ASAP3: variants seen among roughly 807,000 people sequenced by gnomAD.
ASAP3 encodes arf-GAP with SH3 domain, ANK repeat and PH domain-containing protein 3.
ASAP3 carries 85 observed loss-of-function variants against 118.2 expected under a neutral mutation model. That is an observed-to-expected ratio of 0.72 (90% CI 0.60 to 0.86). The LOEUF (loss-of-function observed/expected upper bound fraction) is 0.86. Among genes scored for constraint, ASAP3 ranks in the 40% least tolerant of loss-of-function variants. The pLI is 0.00. For synonymous variants in ASAP3, 432 were observed against 477.4 expected (o/e 0.90, Z 1.24); for missense variants, 1,026 against 1,175.0 (o/e 0.87, Z 1.85).
intron 1 of ASAP3, among the ~76,000 whole-genome samples, chr1:23,473,974 CTTTTTTTTTTTTTT>C (rs10664798): frequency 2.6e-4 from 19 of 72,104 alleles, no homozygotes; most frequent in Non-Finnish European, 1.6e-4. Flanking sequence ...TAAATCTGCT[CTTTTTTTTTTTTTT>C]TTTTTTTTTT....
intron 1 of ASAP3, among the ~76,000 whole-genome samples, chr1:23,475,314 C>G (rs1642093349): frequency 6.6e-6 from 1 of 152,158 alleles, no homozygotes; most frequent in Non-Finnish European, 1.5e-5. Flanking sequence ...CAGTGTCCTG[C>G]CAAACTGGCT....
chr1:23,457,191 T>C (rs543686023), intron 1 of ASAP3, among the ~76,000 whole-genome samples: 1 of 152,050 alleles, frequency 6.6e-6, no homozygotes, highest in East Asian at 1.9e-4. Context: ...GCCACAGAGC[T>C]GGACTTCCCG....
chr1:23,442,333 G>C (rs1640902905), intron 6 of ASAP3, 62 bp from the exon 7 acceptor site: 1 of 1,565,950 alleles, frequency 6.4e-7, no homozygotes, highest in East Asian at 2.3e-5. Context: ...GGAACGAGGG[G>C]CTGCAGTCCC....
chr1:23,462,584 C>T (rs1049184521), intron 1 of ASAP3, among the ~76,000 whole-genome samples: 2 of 151,624 alleles, frequency 1.3e-5, no homozygotes, highest in Non-Finnish European at 2.9e-5. Flanking sequence ...TCCTGGCTAA[C>T]ACGTCTCTAC....
Position 23,436,735 on chromosome 1 carries a change from G to C in ASAP3, c.1477-81C>G, listed in dbSNP as rs1640672225. The C allele has an allele frequency of 1.9e-6, 3 of 1,585,736 alleles. No homozygotes were observed. Among genetic ancestry groups the C allele is most frequent in the Non-Finnish European group, 2.6e-6 (3 of 1,158,570 alleles). On this transcript the variant is annotated intron_variant, in intron 15 of 24. Coordinates refer to ENST00000336689, the MANE Select transcript of ASAP3 (RefSeq NM_017707.4). This position sits in a 1 kb window ranked among gnomAD's most constrained non-coding sequence, Gnocchi z 4.2. ...CATAGGGTGGAGCTCCAAGCCCCCA[G>C]AGTCCCGCCCCTCGGCCGCCCTCCC... is the stretch of plus-strand genomic sequence containing the variant.
At chr1:23,484,254 G>T (rs1454279580), upstream of ASAP3, 5 of 878,540 alleles carry the variant, frequency 5.7e-6, no homozygotes, top group East Asian at 1.3e-4. Context: ...CCGCCCCTCC[G>T]CACGCCCCGC....
chr1:23,474,906 A>G (rs1368181976), intron 1 of ASAP3, among the ~76,000 whole-genome samples: 1 of 152,176 alleles, frequency 6.6e-6, no homozygotes, highest in Non-Finnish European at 1.5e-5. Context: ...GTACCAGTTC[A>G]AGCAATGGAT....
intron 1 of ASAP3, among the ~76,000 whole-genome samples, chr1:23,482,734 G>A (rs1642347962): frequency 1.3e-5 from 2 of 152,022 alleles, no homozygotes; most frequent in Admixed American, 1.3e-4. Context: ...GGATCATGAG[G>A]TCAGGAGATC....
At chr1:23,468,735 T>C (rs1641861712) in intron 1 of ASAP3, among the ~76,000 whole-genome samples, 1 of 148,854 alleles carries the variant, frequency 6.7e-6, no homozygotes. Flanking sequence ...ATTAGCCGGG[T>C]GTGGTGGCTA....
rs752216321 is a variant in ASAP3, at chr1:23,442,469, GC to G, written c.585+31del. 1.9e-5 allele frequency: 30 copies of G among 1,604,262 alleles called. No individual in the cohort carries two copies. In the African/African-American group the frequency reaches 2.3e-4, roughly 12 times the overall value. ...AGGCAGACAGGAAGACACATCCCACGCCCCCCCTCCCTCATCCAGAGCACCC... is the reference window on the plus strand; with the variant it reads ...AGGCAGACAGGAAGACACATCCCACGCCCCCCTCCCTCATCCAGAGCACCC... On this transcript the variant is annotated intron_variant, in intron 6 of 24. Coordinates refer to ENST00000336689, the MANE Select transcript of ASAP3 (RefSeq NM_017707.4).
At chr1:23,432,990 T>A in intron 22 of ASAP3, 87 bp downstream of exon 22, 1 of 1,486,396 alleles carries the variant, frequency 6.7e-7, no homozygotes, top group Non-Finnish European at 9.2e-7. Flanking sequence ...TAGTACGGAC[T>A]AACATATGCA....
chr1:23,452,184 G>T (rs919511321), intron 4 of ASAP3, among the ~76,000 whole-genome samples: 1 of 152,208 alleles, frequency 6.6e-6, no homozygotes, highest in African/African-American at 2.4e-5. Context: ...CTAGGGCAGG[G>T]AGGGAACCCT....
At chr1:23,462,267 G>A (rs920504256) in intron 1 of ASAP3, among the ~76,000 whole-genome samples, 4 of 150,812 alleles carry the variant, frequency 2.7e-5, no homozygotes, top group African/African-American at 7.3e-5. Flanking sequence ...CTCATGATCC[G>A]CCTGCCTCGG....
intron 1 of ASAP3, among the ~76,000 whole-genome samples, chr1:23,471,538 T>C (rs894271522): frequency 6.6e-6 from 1 of 152,186 alleles, no homozygotes; most frequent in African/African-American, 2.4e-5. Flanking sequence ...TATGAATACA[T>C]ACTAGCAAGG....
intron 19 of ASAP3, among the ~76,000 whole-genome samples, chr1:23,434,046 T>G (rs1640543528): frequency 1.3e-5 from 2 of 152,214 alleles, no homozygotes; most frequent in South Asian, 4.2e-4. Flanking sequence ...GAAATATTAT[T>G]TTCTTTTTTC....
At chr1:23,462,000 C>T (rs1046029602) in intron 1 of ASAP3, among the ~76,000 whole-genome samples, 3 of 151,810 alleles carry the variant, frequency 2.0e-5, no homozygotes, top group South Asian at 2.1e-4. Flanking sequence ...ACAAGTCACC[C>T]GAATCACTCA....
Position 23,437,342 on chromosome 1 carries a change from G to A in ASAP3, c.1152-22C>T, listed in dbSNP as rs778585763. 3 of 1,609,096 alleles carry A rather than the reference G, an allele frequency of 1.9e-6. No individual in the cohort carries two copies. In the South Asian group the frequency reaches 3.3e-5, roughly 18 times the overall value. On this transcript the variant is annotated intron_variant, in intron 13 of 24. Transcript: ENST00000336689. This position sits in a 1 kb window ranked among gnomAD's most constrained non-coding sequence, Gnocchi z 6.1. Reference sequence around the variant, plus strand: ...CCACCTGCGGAGATTGAACGGGGTGGGATGGGGATGTCAAGTGGGAAGAGA... The same window carrying A: ...CCACCTGCGGAGATTGAACGGGGTGAGATGGGGATGTCAAGTGGGAAGAGA...
At chr1:23,474,742 C>T (rs1411842580) in intron 1 of ASAP3, among the ~76,000 whole-genome samples, 1 of 152,022 alleles carries the variant, frequency 6.6e-6, no homozygotes, top group Non-Finnish European at 1.5e-5. Flanking sequence ...GCCACCACGC[C>T]CGGCTAATTT....
chr1:23,439,373 C>G (rs1476569917), intron 10 of ASAP3, 143 bp from the exon 11 acceptor site: 1 of 691,700 alleles, frequency 1.4e-6, no homozygotes, highest in Admixed American at 2.3e-5. Context: ...ACACCCCCAC[C>G]CCTGACCCCT....
Sources: gnomAD v4.1 joint callset for allele counts (sites outside exome capture counted in the v4.1 genomes callset) on GRCh38, gnomAD v4.1.1 for gene constraint, Gnocchi (gnomAD v3.1) non-coding constraint, MANE v1.5 for transcripts, NCBI Gene and HGNC (gene_info 2026-07-23, HGNC 2026-07-21) for gene names.